Variants in DCHS1 observed in about 807,000 individuals in gnomAD.
The protein encoded by DCHS1 is protocadherin-16.
A neutral mutation model predicts 213.9 loss-of-function variants in DCHS1; 78 were observed. The observed-to-expected ratio is 0.36, with a 90% CI of 0.30 to 0.44. The LOEUF is 0.44. DCHS1 is among the 20% of genes least tolerant of loss of function. The probability of loss-of-function intolerance (pLI) is 1.00; values close to 1 mark genes in which losing one functional copy is unlikely to be tolerated. For synonymous variants in DCHS1, 1,828 were observed against 1,873.7 expected, an observed-to-expected ratio of 0.98 and a Z score of 0.63; for missense variants, 3,946 against 4,395.9, an observed-to-expected ratio of 0.90 and a Z score of 2.89.
At position 6,623,181 on chromosome 11, in the gene DCHS1, A is replaced by G. The variant is rs1346948210; in HGVS notation, c.8495T>C (p.Leu2832Ser). 1 of 1,607,416 alleles carries G rather than the reference A, an allele frequency of 6.2e-7. No homozygotes were observed. Residue 2832 changes from leucine (L) to serine (S), a missense_variant, in exon 21 of 21, where the codon TTG becomes TCG. Around this residue, in one of 3 missense-constraint regions of DCHS1, gnomAD observed 3,384 missense variants for 3,780.1 expected, o/e 0.90. Transcript: ENST00000299441. ...CTCATCTGTGGCCTGCACGTGACCC[A>G]AGCTGTGGCCACGCCGGGCACCTTC... The part of the protein sequence containing the change: ...VPEGARRGHS[L>S]GHVQATDEDG...
chr11:6,631,758 T>A lies in DCHS1; in HGVS notation c.3533A>T (p.Gln1178Leu), dbSNP rs1004619988. 4.4e-6 allele frequency: 7 copies of A among 1,597,938 alleles called. No homozygotes were observed. The highest frequency in any genetic ancestry group is 6.0e-6 in the Non-Finnish European group (7 of 1,172,390). ...TCCATCCTGCACCTGCACCAGGAGC[T>A]GATAGCTGCTCTGCTGCTCACGGTC... ...TLDREQQSSY[Q>L]LLVQVQDGGS... The change falls in exon 7 of 21, where the codon CAG (glutamine) becomes CTG (leucine). Residue 1178 changes from glutamine (Q) to leucine (L), a missense_variant. Coordinates refer to ENST00000299441, the MANE Select transcript of DCHS1 (RefSeq NM_003737.4).
rs541336434 is a variant in DCHS1, at chr11:6,632,917, C to T, written c.2595G>A (p.Val865=). The T allele has an allele frequency of 1.1e-4, 178 of 1,614,030 alleles. 3 individuals carry two copies. In the South Asian group the frequency reaches 1.8e-3, roughly 16 times the overall value. Residue 865 remains valine, a synonymous_variant, in exon 6 of 21, where the codon GTG becomes GTA. Coordinates refer to ENST00000299441, the MANE Select transcript of DCHS1 (RefSeq NM_003737.4). This position sits in a 1 kb window ranked among gnomAD's most constrained non-coding sequence, Gnocchi z 5.9. ...ELLGPVLELE[V]RAGSGVPPAF... ...CTGGGGGCACTCCACTGCCTGCTCG[C>T]ACCTCCAGCTCCAACACTGGTCCCA...
Position 6,629,998 on chromosome 11 carries a change from C to G in DCHS1, c.4795+1G>C. On this transcript the variant is annotated splice_donor_variant, in intron 10 of 20. Transcript: ENST00000299441. LOFTEE classifies it high-confidence loss of function. ...CCCTCACTCCCAGACCTAACTCTCA[C>G]CAGTGCTTGAGTGCAGCCGGAAGTG... 1 of 1,573,512 alleles carries G rather than the reference C, an allele frequency of 6.4e-7. No individual in the cohort carries two copies. Among genetic ancestry groups the G allele is most frequent in the Non-Finnish European group, 8.7e-7 (1 of 1,155,868 alleles).
Position 6,632,155 on chromosome 11 carries a change from G to A in DCHS1, c.3357C>T (p.Pro1119=), listed in dbSNP as rs767361512. ...AGACTCGGCCCACGCTGGTCCCTGG[G>A]GGCTGGTTCTCAGCCACAGCCAGGA... ...PTFLAVAENQ[P]PGTSVGRVFA... Residue 1119 remains proline (P), a synonymous_variant, in exon 6 of 21, where the codon CCC becomes CCT. Coordinates refer to ENST00000299441, the MANE Select transcript of DCHS1 (RefSeq NM_003737.4). The surrounding 1 kb of genome is among the most constrained non-coding windows in gnomAD (Gnocchi z 5.9). 2 of 1,593,148 alleles carry A rather than the reference G, an allele frequency of 1.3e-6. No homozygotes were observed. Among genetic ancestry groups the A allele is most frequent in the South Asian group, 1.1e-5 (1 of 88,452 alleles).
In DCHS1 at chr11:6,623,618, G is replaced by A. The variant is rs1351946654; in HGVS notation, c.8058C>T (p.His2686=). Residue 2686 remains histidine (H), a synonymous_variant, in exon 21 of 21, where the codon CAC becomes CAT. Transcript: ENST00000299441. Reference sequence around the variant, plus strand: ...CAATTGTCACTGGTGCCAAAGCAAAGTGTGCACCAGCAGGGTCAGCAGCCT... The same window carrying A: ...CAATTGTCACTGGTGCCAAAGCAAAATGTGCACCAGCAGGGTCAGCAGCCT... ...VVQAADPAGA[H]FALAPVTIEV... The A allele has an allele frequency of 1.2e-6, 2 of 1,613,746 alleles. No individual in the cohort carries two copies. Among genetic ancestry groups the A allele is most frequent in the Non-Finnish European group, 1.7e-6 (2 of 1,179,908 alleles).
Position 6,626,074 on chromosome 11 carries a change from C to T in DCHS1, c.6577G>A (p.Val2193Met), listed in dbSNP as rs756921192. The change falls in exon 17 of 21, where the codon GTG becomes ATG. Residue 2193 changes from valine to methionine, a missense_variant and splice_region_variant. Physicochemically the swap from Val to Met is conservative, Grantham distance 21. Coordinates refer to ENST00000299441, the MANE Select transcript of DCHS1 (RefSeq NM_003737.4). This position sits in a 1 kb window ranked among gnomAD's most constrained non-coding sequence, Gnocchi z 5.2. ...CCTTGATCCAGGTCATCCGCCTCCA[C>T]CTGGTGAGGGTAGGAGGCTGCTGGG... Reference protein sequence around the residue: ...SRPLEGPLLQVEADDLDQGSG... With the variant: ...SRPLEGPLLQMEADDLDQGSG... The T allele has an allele frequency of 1.4e-5, 23 of 1,609,086 alleles. No homozygotes were observed. Among genetic ancestry groups the T allele is most frequent in the Non-Finnish European group, 1.9e-5 (22 of 1,177,830 alleles).
chr11:6,632,043 G>A lies in DCHS1; in HGVS notation c.3469C>T (p.His1157Tyr). ...LSEDSKAFRI[H>Y]PQTGEVTTLQ... Reference sequence around the variant, plus strand: ...TCTCTGTGCTCACCAGTCTGGGGGTGGATGCGGAAGGCCTTGCTGTCTTCA... The same window carrying A: ...TCTCTGTGCTCACCAGTCTGGGGGTAGATGCGGAAGGCCTTGCTGTCTTCA... The change falls in exon 6 of 21, where the codon CAC becomes TAC. Residue 1157 changes from histidine (H) to tyrosine (Y), a missense_variant. By Grantham distance (83) the His-to-Tyr change is moderately conservative (BLOSUM62 2). Around this residue, in one of 3 missense-constraint regions of DCHS1, gnomAD observed 3,384 missense variants for 3,780.1 expected, o/e 0.90. Coordinates refer to ENST00000299441, the MANE Select transcript of DCHS1 (RefSeq NM_003737.4). The surrounding 1 kb of genome is among the most constrained non-coding windows in gnomAD (Gnocchi z 5.9). 1 of 1,513,590 alleles carries A rather than the reference G, an allele frequency of 6.6e-7. No homozygotes were observed. Among genetic ancestry groups the A allele is most frequent in the South Asian group, 1.3e-5 (1 of 75,916 alleles). The allele number at this position is 1,513,590 out of a possible 1,614,324, so 93.8% of individuals were successfully genotyped here.
At chr11:6,652,432 G>A (rs1404348270) in intron 1 of DCHS1, among the ~76,000 whole-genome samples, 1 of 152,234 alleles carries the variant, frequency 6.6e-6, no homozygotes, top group Non-Finnish European at 1.5e-5. Flanking sequence ...AAATGTGACA[G>A]TGAAGAAAAG....
chr11:6,646,369 C>T (rs937976483), intron 1 of DCHS1, among the ~76,000 whole-genome samples: 1 of 152,178 alleles, frequency 6.6e-6, no homozygotes, highest in African/African-American at 2.4e-5. Context: ...CAGTTCCAAA[C>T]TCGAACTCCA....
intron 2 of DCHS1, among the ~76,000 whole-genome samples, chr11:6,637,337 C>T (rs1182698652): frequency 1.3e-5 from 2 of 152,152 alleles, no homozygotes; most frequent in Non-Finnish European, 2.9e-5. Context: ...CAATAGTCTC[C>T]CACCCATTGT....
chr11:6,629,097 C>T (rs1855858840), intron 12 of DCHS1, among the ~76,000 whole-genome samples: 1 of 152,210 alleles, frequency 6.6e-6, no homozygotes, highest in South Asian at 2.1e-4. Flanking sequence ...GGGTTCAAGT[C>T]CCAGCCCTGC....
Position 6,622,264 on chromosome 11 carries a change from C to G in DCHS1, c.9412G>C (p.Asp3138His). The G allele has an allele frequency of 6.2e-7, 1 of 1,605,090 alleles. No homozygotes were observed. The highest frequency in any genetic ancestry group is 8.5e-7 in the Non-Finnish European group (1 of 1,176,848). ...GCACCTGCCACACATGGCTTGCCAT[C>G]TGCTGGGAAGCCATAGTCCCCAGTG... ...APTGDYGFPA[D>H]GKPCVAGALT... The change falls in exon 21 of 21, where the codon GAT becomes CAT. Residue 3138 changes from aspartate (D) to histidine (H), a missense_variant. Around this residue, in one of 3 missense-constraint regions of DCHS1, gnomAD observed 554 missense variants for 590.2 expected, o/e 0.94. Coordinates refer to ENST00000299441, the MANE Select transcript of DCHS1 (RefSeq NM_003737.4). This position sits in a 1 kb window ranked among gnomAD's most constrained non-coding sequence, Gnocchi z 5.4.
rs1218265216 is a variant in DCHS1, at chr11:6,623,109, G to A, written c.8567C>T (p.Ser2856Phe). 1 of 1,605,096 alleles carries A rather than the reference G, an allele frequency of 6.2e-7. No individual in the cohort carries two copies. The highest frequency in any genetic ancestry group is 2.2e-5 in the East Asian group (1 of 44,498). The part of the protein sequence containing the change: ...GLVLYSLATS[S>F]PYFGINQTTG... ...AGTCTGGTTAATACCAAAATAGGGG[G>A]AAGAGGTGGCAAGGGAATACAGAAC... is the stretch of plus-strand genomic sequence containing the variant. Residue 2856 changes from serine to phenylalanine, a missense_variant, in exon 21 of 21, where the codon TCC becomes TTC. Ser to Phe is a radical substitution (Grantham distance 155). Around this residue, in one of 3 missense-constraint regions of DCHS1, gnomAD observed 554 missense variants for 590.2 expected, o/e 0.94. Coordinates refer to ENST00000299441, the MANE Select transcript of DCHS1 (RefSeq NM_003737.4).
In DCHS1 at chr11:6,640,184, T is replaced by C. The variant is rs1373885058; in HGVS notation, c.1430A>G (p.Tyr477Cys). The C allele has an allele frequency of 6.2e-7, 1 of 1,613,714 alleles. No individual in the cohort carries two copies. Among genetic ancestry groups the C allele is most frequent in the Admixed American group, 1.7e-5 (1 of 59,978 alleles). Residue 477 changes from tyrosine (Y) to cysteine (C), a missense_variant, in exon 2 of 21, where the codon TAC (tyrosine) becomes TGC (cysteine). Around this residue, in one of 3 missense-constraint regions of DCHS1, gnomAD observed 3,384 missense variants for 3,780.1 expected, o/e 0.90. Coordinates refer to ENST00000299441, the MANE Select transcript of DCHS1 (RefSeq NM_003737.4). This position sits in a 1 kb window ranked among gnomAD's most constrained non-coding sequence, Gnocchi z 6.5. ...DNAPAFDRQL[Y>C]RPEPLPEVAL... The stretch of plus-strand genomic sequence containing the variant: ...AACCTCAGGCAGGGGCTCAGGTCGG[T>C]AGAGCTGGCGGTCAAAGGCAGGTGC...
chr11:6,645,085 A>C (rs1856136900), intron 1 of DCHS1, among the ~76,000 whole-genome samples: 1 of 152,200 alleles, frequency 6.6e-6, no homozygotes, highest in Non-Finnish European at 1.5e-5. Flanking sequence ...GGGTTTTGTG[A>C]AAATTAGAAA....
chr11:6,621,788 C>G lies in DCHS1; in HGVS notation c.9888G>C (p.Leu3296=). Reference sequence around the variant, plus strand: ...CCAGCCTGGGCCACAGCTAGATGTGCAGCTCCGTGTCATCAGGTGGCTCCA... The same window carrying G: ...CCAGCCTGGGCCACAGCTAGATGTGGAGCTCCGTGTCATCAGGTGGCTCCA... ...SGLEPPDDTE[L]HI is the part of the protein sequence containing the mutation. Residue 3296 remains leucine, a synonymous_variant, in exon 21 of 21, where the codon CTG becomes CTC. Coordinates refer to ENST00000299441, the MANE Select transcript of DCHS1 (RefSeq NM_003737.4). 2 of 1,585,464 alleles carry G rather than the reference C, an allele frequency of 1.3e-6. No individual in the cohort carries two copies. The highest frequency in any genetic ancestry group is 1.7e-6 in the Non-Finnish European group (2 of 1,166,428).
Position 6,621,922 on chromosome 11 carries a change from G to C in DCHS1, c.9754C>G (p.Pro3252Ala). The C allele has an allele frequency of 6.2e-7, 1 of 1,613,394 alleles. No homozygotes were observed. The highest frequency in any genetic ancestry group is 8.5e-7 in the Non-Finnish European group (1 of 1,179,646). ...GGAGACAGAGAGGGTGAGAAGCTGG[G>C]GGACATGGCAGCTGAGGACAGGGAG... is the stretch of plus-strand genomic sequence containing the variant. ...EGSLSSAAMS[P>A]SFSPSLSPLA... is the part of the protein sequence containing the mutation. The change falls in exon 21 of 21, where the codon CCC (proline) becomes GCC (alanine). Residue 3252 changes from proline (P) to alanine (A), a missense_variant. Physicochemically the swap from Pro to Ala is conservative, Grantham distance 27. Around this residue, in one of 3 missense-constraint regions of DCHS1, gnomAD observed 554 missense variants for 590.2 expected, o/e 0.94. Transcript: ENST00000299441.
intron 1 of DCHS1, among the ~76,000 whole-genome samples, chr11:6,646,803 G>A (rs577306921): frequency 1.3e-5 from 2 of 152,246 alleles, no homozygotes; most frequent in South Asian, 2.1e-4. Context: ...GGCCTGAAAC[G>A]TGATGTCAAT....
chr11:6,621,512 C>T lies in DCHS1; in HGVS notation c.*267G>A. 1.7e-6 allele frequency: 1 copy of T among 600,700 alleles called. No homozygotes were observed. Among genetic ancestry groups the T allele is most frequent in the Middle Eastern group, 2.6e-4 (1 of 3,920 alleles). 37.2% of individuals were successfully genotyped at this position (600,700 alleles called of 1,614,324 possible). On this transcript the variant is annotated 3_prime_UTR_variant, in exon 21 of 21. Transcript: ENST00000299441. ...TCCATCTCAGGGTGCTGGTGCAGGG[C>T]AGGGATCCCTCACTGAGGAGAACCC... is the stretch of plus-strand genomic sequence containing the variant.
Sources: allele counts gnomAD v4.1 joint callset (sites outside exome capture counted in the v4.1 genomes callset), GRCh38; gene constraint gnomAD v4.1.1; regional missense constraint gnomAD v4.1.1; non-coding constraint Gnocchi (gnomAD v3.1); transcripts MANE v1.5; gene names NCBI Gene and HGNC (gene_info 2026-07-23, HGNC 2026-07-21).